Variants in SLC22A8 observed in about 807,000 individuals in gnomAD.
SLC22A8 encodes the protein organic anion transporter 3.
Under a neutral mutation model 48.4 loss-of-function variants are expected in SLC22A8, and 40 were observed. The ratio of observed to expected loss-of-function variants is 0.83; its 90% CI spans 0.64 to 1.08. The LOEUF (loss-of-function observed/expected upper bound fraction) is 1.08. Among genes scored for constraint, SLC22A8 ranks in the 50% least tolerant of loss-of-function variants. The pLI is 0.00. For synonymous variants in SLC22A8, 268 were observed against 286.3 expected (o/e 0.94, Z 0.65); for missense variants, 606 against 699.0 (o/e 0.87, Z 1.50).
rs539802407 is a variant in SLC22A8, at chr11:62,993,165, G to T, written c.*72C>A. The T allele has an allele frequency of 8.7e-7, 1 of 1,150,444 alleles. No homozygotes were observed. The allele number at this position is 1,150,444 out of a possible 1,614,324, so 71.3% of individuals were successfully genotyped here. On this transcript the variant is annotated 3_prime_UTR_variant, in exon 11 of 11. Transcript: ENST00000336232. ...TCCTAGGAGGATGGACCTATATGGG[G>T]CCTCCCTATACTCCTAAGGTGCCTG...
At chr11:63,000,509 A>AG (rs2086480599) in intron 3 of SLC22A8, among the ~76,000 whole-genome samples, 1 of 150,122 alleles carries the variant, frequency 6.7e-6, no homozygotes, top group Non-Finnish European at 1.5e-5. Context: ...AAAAAAAAAA[A>AG]GGAAGGCTGG....
chr11:62,995,794 T>A lies in SLC22A8; in HGVS notation c.911A>T (p.Glu304Val). 6.2e-7 allele frequency: 1 copy of A among 1,614,068 alleles called. No individual in the cohort carries two copies. The highest frequency in any genetic ancestry group is 8.5e-7 in the Non-Finnish European group (1 of 1,179,954). Residue 304 changes from glutamate to valine, a missense_variant, in exon 7 of 11, where the codon GAG (glutamate) becomes GTG (valine). Transcript: ENST00000336232. ...LEELKLNLQK[E>V]ISLAKAKYTA... ...GTACTTGGCCTTGGCCAAGGAGATCTCCTTCTGCAGGTTGAGTTTGAGCTC... is the reference window on the plus strand; with the variant it reads ...GTACTTGGCCTTGGCCAAGGAGATCACCTTCTGCAGGTTGAGTTTGAGCTC...
chr11:62,999,963 T>A, intron 3 of SLC22A8, 121 bp from the exon 4 acceptor site: 1 of 751,256 alleles, frequency 1.3e-6, no homozygotes, highest in South Asian at 3.5e-5. Flanking sequence ...GTTGGGCACA[T>A]AAAGCTCCCT....
intron 2 of SLC22A8, among the ~76,000 whole-genome samples, chr11:63,013,703 TTTTTTA>T (rs1265631370): frequency 6.6e-6 from 1 of 152,170 alleles, no homozygotes; most frequent in Non-Finnish European, 1.5e-5. Context: ...GGGTCTTAGG[TTTTTTA>T]TTTTTAAAAA....
At position 62,993,636 on chromosome 11, in the gene SLC22A8, G is replaced by T; in HGVS notation, c.1326-9C>A. The stretch of plus-strand genomic sequence containing the variant: ...CGCCCATACCTGTTTGCCTGCGAGG[G>T]TTCAGAGTAGGGATTGGTAGCCTGT... On this transcript the variant is annotated splice_polypyrimidine_tract_variant and intron_variant, in intron 9 of 10. Transcript: ENST00000336232. 1 of 1,604,970 alleles carries T rather than the reference G, an allele frequency of 6.2e-7. No homozygotes were observed. Among genetic ancestry groups the T allele is most frequent in the East Asian group, 2.2e-5 (1 of 44,706 alleles).
chr11:62,999,586 G>A (rs1260964217), intron 4 of SLC22A8, 102 bp downstream of exon 4: 1 of 1,008,384 alleles, frequency 9.9e-7, no homozygotes, highest in Non-Finnish European at 1.4e-6. Context: ...CCTTGACCAA[G>A]GTCACAGGGA....
At chr11:63,008,011 T>C (rs959758184) in intron 2 of SLC22A8, among the ~76,000 whole-genome samples, 3 of 152,198 alleles carry the variant, frequency 2.0e-5, no homozygotes, top group Admixed American at 6.5e-5. Flanking sequence ...TGCCGTGCTC[T>C]GAGGCCTGGG....
intron 2 of SLC22A8, among the ~76,000 whole-genome samples, chr11:63,011,365 G>A (rs1279343768): frequency 1.3e-5 from 2 of 152,226 alleles, no homozygotes; most frequent in Non-Finnish European, 2.9e-5. Flanking sequence ...GTGTGAGCAT[G>A]CAGTAAATGT....
intron 2 of SLC22A8, among the ~76,000 whole-genome samples, chr11:63,011,994 T>C (rs1019633563): frequency 3.3e-5 from 5 of 151,548 alleles, no homozygotes; most frequent in Non-Finnish European, 7.4e-5. Context: ...CTTTTTCTTT[T>C]TTTTTTTTTT....
At position 63,000,572 on chromosome 11, in the gene SLC22A8, G is replaced by A. The variant is rs147663207; in HGVS notation, c.437+148C>T. 2.0e-3 allele frequency: 1,139 copies of A among 581,726 alleles called. 2 individuals carry two copies. The highest frequency in any genetic ancestry group is 1.0e-2 in the Admixed American group (351 of 35,150). The allele number at this position is 581,726 out of a possible 1,614,324, so 36.0% of individuals were successfully genotyped here. A position where few individuals can be genotyped will look rare whatever the true frequency, so the allele number is the denominator to read the frequency against. On this transcript the variant is annotated intron_variant, in intron 3 of 10. Transcript: ENST00000336232. The stretch of plus-strand genomic sequence containing the variant: ...TGGAGAGAAGGCTGTGGTCCAGAAA[G>A]GTAGTGAGGTTTGCCCAAGGCCACA...
rs141176935 is a variant in SLC22A8, at chr11:62,998,522, C to A, written c.761+399G>T. 2.1e-3 allele frequency among the ~76,000 whole-genome samples: 322 copies of A among 152,288 alleles called. 1 individual carries two copies. The highest frequency in any genetic ancestry group is 0.01 in the East Asian group (54 of 5,180). ...CATCCCCTCCCATCTGTCTATTGTCCCCACTCAGTTGGGTCTGTCCTTCTG... is the reference window on the plus strand; with the variant it reads ...CATCCCCTCCCATCTGTCTATTGTCACCACTCAGTTGGGTCTGTCCTTCTG... On this transcript the variant is annotated intron_variant, in intron 5 of 10. Coordinates refer to ENST00000336232, the MANE Select transcript of SLC22A8 (RefSeq NM_004254.4).
chr11:63,006,601 T>G, intron 2 of SLC22A8, among the ~76,000 whole-genome samples: 1 of 85,892 alleles, frequency 1.2e-5, no homozygotes, highest in African/African-American at 7.8e-5. Context: ...TTGAGTTTTT[T>G]TTTTTTTTTT....
chr11:62,993,234 T>G lies in SLC22A8; in HGVS notation c.*3A>C, dbSNP rs2086363980. 6.2e-7 allele frequency: 1 copy of G among 1,610,044 alleles called. No individual in the cohort carries two copies. Among genetic ancestry groups the G allele is most frequent in the Admixed American group, 1.7e-5 (1 of 59,824 alleles). Reference sequence around the variant, plus strand: ...AGGGCAGGGAAAGGGGGTTCCGTTGTCCTCAGCTGGAGCCCAGGCCTGGTC... The same window carrying G: ...AGGGCAGGGAAAGGGGGTTCCGTTGGCCTCAGCTGGAGCCCAGGCCTGGTC... On this transcript the variant is annotated 3_prime_UTR_variant, in exon 11 of 11. Transcript: ENST00000336232.
At chr11:63,006,335 T>C (rs192144640) in intron 2 of SLC22A8, among the ~76,000 whole-genome samples, 1 of 152,282 alleles carries the variant, frequency 6.6e-6, no homozygotes, top group East Asian at 1.9e-4. Context: ...CCTTTGAAAC[T>C]CATGTCAATA....
chr11:63,007,983 C>G (rs1375258643), intron 2 of SLC22A8, among the ~76,000 whole-genome samples: 1 of 152,200 alleles, frequency 6.6e-6, no homozygotes, highest in Non-Finnish European at 1.5e-5. Context: ...GAGCACAGCT[C>G]CTTGATGCCT....
intron 2 of SLC22A8, among the ~76,000 whole-genome samples, chr11:63,009,039 A>G (rs2086587587): frequency 6.6e-6 from 1 of 152,170 alleles, no homozygotes; most frequent in Non-Finnish European, 1.5e-5. Context: ...AGGGCTGTCA[A>G]TAGGGATCAG....
rs141775478 is a variant in SLC22A8, at chr11:62,993,289, G to A, written c.1577C>T (p.Ala526Val). 45 of 1,613,660 alleles carry A rather than the reference G, an allele frequency of 2.8e-5. No homozygotes were observed. The African/African-American group carries it at 5.9e-4, about 21-fold the overall frequency. The change falls in exon 11 of 11, where the codon GCC becomes GTC. Residue 526 changes from alanine (A) to valine (V), a missense_variant. Coordinates refer to ENST00000336232, the MANE Select transcript of SLC22A8 (RefSeq NM_004254.4). Reference sequence around the variant, plus strand: ...AGGCTGTAGAGGGATCCTCTGGGAGGCCTTTTCCACCTCTGGCTCCTGCTT... The same window carrying A: ...AGGCTGTAGAGGGATCCTCTGGGAGACCTTTTCCACCTCTGGCTCCTGCTT... ...KPKQEPEVEK[A>V]SQRIPLQPHG...
chr11:62,993,092 C>G lies in SLC22A8; in HGVS notation c.*145G>C, dbSNP rs2086362061. On this transcript the variant is annotated 3_prime_UTR_variant, in exon 11 of 11. Coordinates refer to ENST00000336232, the MANE Select transcript of SLC22A8 (RefSeq NM_004254.4). ...ACTGGCCAGGGCTGGGCAGGAGGCT[C>G]TGGTGGTGGTGATGGAGACACCTTC... 1.9e-5 allele frequency: 12 copies of G among 634,168 alleles called. No homozygotes were observed. The South Asian group carries it at 2.4e-4, about 12-fold the overall frequency. 39.3% of individuals were successfully genotyped at this position (634,168 alleles called of 1,614,324 possible). A position where few individuals can be genotyped will look rare whatever the true frequency, so the allele number is the denominator to read the frequency against.
In SLC22A8 at chr11:63,014,931, C is replaced by T. The variant is rs770889008; in HGVS notation, c.28G>A (p.Val10Met). 2 of 1,566,200 alleles carry T rather than the reference C, an allele frequency of 1.3e-6. No individual in the cohort carries two copies. The highest frequency in any genetic ancestry group is 1.7e-6 in the Non-Finnish European group (2 of 1,151,612). The change falls in exon 2 of 11, where the codon GTG (valine) becomes ATG (methionine). Residue 10 changes from valine to methionine, a missense_variant. By Grantham distance (21) the Val-to-Met change is conservative. Coordinates refer to ENST00000336232, the MANE Select transcript of SLC22A8 (RefSeq NM_004254.4). The stretch of plus-strand genomic sequence containing the variant: ...AACTGGAAATGGCCCATGCTTCCCA[C>T]ACGGTCCAGGATCTCCGAGAAGGTC... MTFSEILDR[V>M]GSMGHFQFLH...
Sources: allele counts gnomAD v4.1 joint callset (sites outside exome capture counted in the v4.1 genomes callset), GRCh38; gene constraint gnomAD v4.1.1; transcripts MANE v1.5; gene names NCBI Gene and HGNC (gene_info 2026-07-23, HGNC 2026-07-21).